Variants in KLF12 observed in about 807,000 individuals in gnomAD.
KLF12 encodes Krueppel-like factor 12.
In KLF12, 9 loss-of-function variants were observed where a neutral mutation model predicts 37.8. The ratio of observed to expected loss-of-function variants is 0.24; its 90% confidence interval spans 0.14 to 0.42. The LOEUF (loss-of-function observed/expected upper bound fraction) is 0.42, where lower values mean the gene tolerates loss of function less well. KLF12 is among the 10% of genes least tolerant of loss of function. The pLI is 1.00. For missense variants in KLF12, 411 were observed against 516.0 expected (o/e 0.80, Z 1.97); for synonymous variants, 208 against 202.1 (o/e 1.03, Z -0.25).
At chr13:74,226,789 G>A in the KLF12 span, among the ~76,000 whole-genome samples, 5 of 152,236 alleles carry the variant, frequency 3.3e-5, no homozygotes, top group South Asian at 2.1e-4. Context: ...ACTGGGAAAG[G>A]TACCCTAACT....
Position 73,687,661 on chromosome 13 carries a change from A to G in KLF12, c.*7829T>C, listed in dbSNP as rs1156251593. ...TATCTTACTTTTTGATTGCTTGGAC[A>G]CTTTTATCACTAGATTTGGATCCAA... On this transcript the variant is annotated 3_prime_UTR_variant, in exon 8 of 8. Coordinates refer to ENST00000377669, the MANE Select transcript of KLF12 (RefSeq NM_007249.5). 6.6e-6 allele frequency: 1 copy of G among 152,130 alleles called. No individual in the cohort carries two copies. The highest frequency in any genetic ancestry group is 1.5e-5 in the Non-Finnish European group (1 of 68,028). The allele number at this position is 152,130 out of a possible 1,614,324, so 9.4% of individuals were successfully genotyped here. A position where few individuals can be genotyped will look rare whatever the true frequency, so the allele number is the denominator to read the frequency against.
chr13:74,206,515 T>C, the KLF12 span, among the ~76,000 whole-genome samples: 1 of 152,192 alleles, frequency 6.6e-6, no homozygotes, highest in Admixed American at 6.5e-5. Context: ...TCTCTTTTCT[T>C]CCATTCTCTT....
chr13:74,260,627 A>AC, the KLF12 span, among the ~76,000 whole-genome samples: 926 of 117,222 alleles, frequency 7.9e-3, 35 homozygotes, highest in African/African-American at 0.044. Flanking sequence ...ATAAAATAAA[A>AC]TAGTGAATTA....
chr13:74,191,059 A>G, the KLF12 span, among the ~76,000 whole-genome samples: 2 of 152,198 alleles, frequency 1.3e-5, no homozygotes, highest in East Asian at 3.9e-4. Flanking sequence ...AGAAGCTAGG[A>G]GTATCTTAAT....
chr13:74,196,443 G>A, the KLF12 span, among the ~76,000 whole-genome samples: 2 of 152,154 alleles, frequency 1.3e-5, no homozygotes, highest in African/African-American at 2.4e-5. Context: ...CACAGATACT[G>A]TCAAGAAAGA....
chr13:74,109,644 C>G (rs111799278), intron 1 of KLF12, among the ~76,000 whole-genome samples: 1,984 of 152,106 alleles, frequency 0.013, 43 homozygotes, highest in African/African-American at 0.045. Context: ...AATTGTAAAT[C>G]TATACTTGAT....
chr13:73,794,559 C>G (rs1263279713), intron 5 of KLF12, among the ~76,000 whole-genome samples: 1 of 152,132 alleles, frequency 6.6e-6, no homozygotes, highest in Non-Finnish European at 1.5e-5. Context: ...ATGTGGAATC[C>G]TGACTTTATA....
At chr13:73,963,062 A>C (rs540086743) in intron 2 of KLF12, among the ~76,000 whole-genome samples, 9 of 152,220 alleles carry the variant, frequency 5.9e-5, no homozygotes, top group Non-Finnish European at 1.3e-4. Flanking sequence ...TTGAAATACC[A>C]GGCAACATGG....
At chr13:74,021,990 T>G (rs1471151658) in intron 1 of KLF12, among the ~76,000 whole-genome samples, 1 of 152,174 alleles carries the variant, frequency 6.6e-6, no homozygotes, top group Non-Finnish European at 1.5e-5. Context: ...GTAAAGCATG[T>G]GGACAAAGCA....
chr13:73,715,535 G>A lies in KLF12; in HGVS notation c.870-10C>T, dbSNP rs1021691637. ...AAATGGTGAAATTGAACTGGAAAAA[G>A]AAAAAGTGGAGTTACACGGTGAGAT... On this transcript the variant is annotated splice_polypyrimidine_tract_variant and intron_variant, in intron 6 of 7. Coordinates refer to ENST00000377669, the MANE Select transcript of KLF12 (RefSeq NM_007249.5). 2 of 1,611,684 alleles carry A rather than the reference G, an allele frequency of 1.2e-6. No individual in the cohort carries two copies. The highest frequency in any genetic ancestry group is 1.3e-5 in the African/African-American group (1 of 74,778).
At chr13:74,031,601 C>T (rs908109952) in intron 1 of KLF12, among the ~76,000 whole-genome samples, 2 of 152,052 alleles carry the variant, frequency 1.3e-5, no homozygotes, top group Non-Finnish European at 2.9e-5. Context: ...CCAAACCAGA[C>T]TTTTTTTATA....
At chr13:73,872,307 T>C (rs1339151745) in intron 3 of KLF12, among the ~76,000 whole-genome samples, 1 of 152,212 alleles carries the variant, frequency 6.6e-6, no homozygotes, top group African/African-American at 2.4e-5. Flanking sequence ...CTTCCTTTAG[T>C]TTTTCAAATC....
chr13:74,289,715 A>G, the KLF12 span, among the ~76,000 whole-genome samples: 32 of 152,344 alleles, frequency 2.1e-4, no homozygotes, highest in East Asian at 5.4e-3. Context: ...TTTACATTCT[A>G]TATAGAATGA....
At chr13:74,195,424 G>T in the KLF12 span, among the ~76,000 whole-genome samples, 2 of 152,036 alleles carry the variant, frequency 1.3e-5, no homozygotes, top group African/African-American at 4.8e-5. Flanking sequence ...AGAATGACAG[G>T]GTCCTGTGCC....
rs1880941152 is a variant in KLF12, at chr13:73,781,151, G to A, written c.807-16151C>T. On this transcript the variant is annotated intron_variant, in intron 5 of 7. Transcript: ENST00000377669. ...CCTCCAGCAAAAAGAAATACGACTCGCTGAAACCTCAGATGATCATTAGCA... is the reference window on the plus strand; with the variant it reads ...CCTCCAGCAAAAAGAAATACGACTCACTGAAACCTCAGATGATCATTAGCA... Among the ~76,000 whole-genome samples the A allele has an allele frequency of 2.0e-5, 3 of 152,166 alleles. No homozygotes were observed. In the South Asian group the frequency reaches 6.2e-4, roughly 31 times the overall value.
At chr13:73,715,298 C>T in intron 7 of KLF12, 70 bp downstream of exon 7, 2 of 1,409,420 alleles carry the variant, frequency 1.4e-6, no homozygotes, top group Non-Finnish European at 2.0e-6. Context: ...ACGAAAGGCT[C>T]CCGAGGTAAG....
intron 2 of KLF12, among the ~76,000 whole-genome samples, chr13:73,948,442 C>T (rs113936831): frequency 1.8e-3 from 280 of 152,304 alleles, no homozygotes; most frequent in African/African-American, 6.4e-3. Context: ...TGTTCTCGAA[C>T]TCCCGGCCTC....
intron 6 of KLF12, among the ~76,000 whole-genome samples, chr13:73,725,924 A>G (rs1052081934): frequency 6.6e-6 from 1 of 151,442 alleles, no homozygotes; most frequent in South Asian, 2.1e-4. Flanking sequence ...GCTGGAGTGC[A>G]ATGGTGCTAT....
chr13:74,291,138 C>T, the KLF12 span, among the ~76,000 whole-genome samples: 1 of 152,104 alleles, frequency 6.6e-6, no homozygotes, highest in Admixed American at 6.5e-5. Flanking sequence ...TTATTTTTGT[C>T]CTAAGTGGGT....
Sources: gnomAD v4.1 joint callset for allele counts (sites outside exome capture counted in the v4.1 genomes callset) on GRCh38, gnomAD v4.1.1 for gene constraint, MANE v1.5 for transcripts, NCBI Gene and HGNC (gene_info 2026-07-23, HGNC 2026-07-21) for gene names.